Variants in DOCK3 observed in about 807,000 individuals in gnomAD.
The protein encoded by DOCK3 is dedicator of cytokinesis 3.
Under a neutral mutation model 265.6 loss-of-function variants are expected in DOCK3, and 60 were observed. That is an observed-to-expected ratio of 0.23 (90% CI 0.18 to 0.28). The LOEUF (loss-of-function observed/expected upper bound fraction) is 0.28, where lower values mean the gene tolerates loss of function less well. Among genes scored for constraint, DOCK3 ranks in the 10% least tolerant of loss-of-function variants. The pLI, the probability that DOCK3 is intolerant of heterozygous loss-of-function variation, is 1.00. For synonymous variants in DOCK3, 881 were observed against 938.0 expected, an observed-to-expected ratio of 0.94 and a Z score of 1.11; for missense variants, 1,981 against 2,594.3, an observed-to-expected ratio of 0.76 and a Z score of 5.14.
At chr3:51,040,810 C>T (rs1036051902) in intron 5 of DOCK3, among the ~76,000 whole-genome samples, 13 of 152,146 alleles carry the variant, frequency 8.5e-5, no homozygotes, top group Non-Finnish European at 1.6e-4. Flanking sequence ...CAGGAAACCA[C>T]TTCCTTTGCT....
At chr3:50,790,997 G>A (rs921634612) in intron 2 of DOCK3, among the ~76,000 whole-genome samples, 2 of 151,784 alleles carry the variant, frequency 1.3e-5, no homozygotes, top group African/African-American at 2.4e-5. Flanking sequence ...TAAGTTCCTT[G>A]TAGACGATAT....
At position 51,049,793 on chromosome 3, in the gene DOCK3, C is replaced by CCA. The variant is rs34449511; in HGVS notation, c.316-14621_316-14620dup. Among the ~76,000 whole-genome samples, 628 of 147,308 alleles carry CCA rather than the reference C, an allele frequency of 4.3e-3. 4 individuals are homozygous for CCA. The highest frequency in any genetic ancestry group is 6.9e-3 in the Admixed American group (102 of 14,748). On this transcript the variant is annotated intron_variant, in intron 5 of 52. Transcript: ENST00000266037. ...TTATGTGTAGAAAGCCCTAATGGGT[C>CCA]CACACACACACACACACACACACAC... is the stretch of plus-strand genomic sequence containing the variant.
At chr3:51,360,458 T>C in intron 46 of DOCK3, 53 bp from the exon 47 acceptor site, 1 of 1,567,820 alleles carries the variant, frequency 6.4e-7, no homozygotes. Context: ...TCACATCCCT[T>C]AGTTACTTAT....
intron 5 of DOCK3, among the ~76,000 whole-genome samples, chr3:51,025,484 C>T (rs984529672): frequency 2.0e-5 from 3 of 152,082 alleles, no homozygotes; most frequent in Admixed American, 2.0e-4. Context: ...CCTGCCCCAG[C>T]CTATAAGCTT....
chr3:51,287,655 C>T (rs1157847108), intron 27 of DOCK3, among the ~76,000 whole-genome samples: 1 of 152,092 alleles, frequency 6.6e-6, no homozygotes, highest in Non-Finnish European at 1.5e-5. Context: ...GGTGAGGTTG[C>T]AGAGAAGAGG....
intron 5 of DOCK3, among the ~76,000 whole-genome samples, chr3:50,987,472 A>G (rs11130267): frequency 0.84 from 127,552 of 152,160 alleles, 53,916 homozygotes; most frequent in East Asian, 0.95. Flanking sequence ...CAAAAACATT[A>G]CAACCTACCC....
chr3:51,260,235 A>C lies in DOCK3; in HGVS notation c.2264A>C (p.Gln755Pro). The C allele has an allele frequency of 6.2e-7, 1 of 1,613,948 alleles. No homozygotes were observed. Among genetic ancestry groups the C allele is most frequent in the Non-Finnish European group, 8.5e-7 (1 of 1,179,886 alleles). The change falls in exon 23 of 53, where the codon CAA (glutamine) becomes CCA (proline). Residue 755 changes from glutamine (Q) to proline (P), a missense_variant. By Grantham distance (76) the Gln-to-Pro change is moderately conservative. Around this residue, in one of 4 missense-constraint regions of DOCK3, gnomAD observed 1,357 missense variants for 1,866.8 expected, o/e 0.73. Coordinates refer to ENST00000266037, the MANE Select transcript of DOCK3 (RefSeq NM_004947.5). ...SRATCGMEEE[Q>P]FRSSIQELFQ... ...GCCACTTGTGGAATGGAAGAGGAACAATTCAGATCCAGTATCCAAGAACTT... is the reference window on the plus strand; with the variant it reads ...GCCACTTGTGGAATGGAAGAGGAACCATTCAGATCCAGTATCCAAGAACTT...
intron 10 of DOCK3, among the ~76,000 whole-genome samples, chr3:51,150,773 G>A (rs1193928954): frequency 6.6e-6 from 1 of 152,080 alleles, no homozygotes; most frequent in Non-Finnish European, 1.5e-5. Context: ...GTTCAATTTT[G>A]GAATAAGTGT....
intron 1 of DOCK3, among the ~76,000 whole-genome samples, chr3:50,689,240 T>A (rs1211576454): frequency 1.3e-5 from 2 of 152,200 alleles, no homozygotes; most frequent in Non-Finnish European, 2.9e-5. Flanking sequence ...CAGCTTCACC[T>A]CGGATCATCA....
intron 3 of DOCK3, among the ~76,000 whole-genome samples, chr3:50,870,423 C>A (rs2047378766): frequency 6.6e-6 from 1 of 152,078 alleles, no homozygotes; most frequent in African/African-American, 2.4e-5. Flanking sequence ...CTAAGTATAG[C>A]CACTTCTACT....
intron 2 of DOCK3, among the ~76,000 whole-genome samples, chr3:50,784,090 A>G (rs1412261056): frequency 6.6e-6 from 1 of 151,668 alleles, no homozygotes; most frequent in Non-Finnish European, 1.5e-5. Flanking sequence ...TTGATCTCGA[A>G]CTCCTGACCT....
intron 3 of DOCK3, among the ~76,000 whole-genome samples, chr3:50,887,308 A>G (rs926887051): frequency 3.3e-5 from 5 of 150,070 alleles, no homozygotes; most frequent in African/African-American, 4.9e-5. Flanking sequence ...CCAAGACTAA[A>G]CCAGGAAGAA....
chr3:50,963,589 A>T (rs1386344659), intron 5 of DOCK3, among the ~76,000 whole-genome samples: 1 of 152,202 alleles, frequency 6.6e-6, no homozygotes, highest in Admixed American at 6.5e-5. Context: ...ATATACCCAG[A>T]CAGTATATAT....
At chr3:50,758,234 A>G (rs1251619895) in intron 1 of DOCK3, among the ~76,000 whole-genome samples, 5 of 146,510 alleles carry the variant, frequency 3.4e-5, no homozygotes, top group African/African-American at 1.2e-4. Flanking sequence ...ATAAATTTGA[A>G]GGTTATCCCC....
chr3:51,332,900 G>GGCA, intron 33 of DOCK3, 101 bp from the exon 34 acceptor site: 1 of 1,505,648 alleles, frequency 6.6e-7, no homozygotes, highest in East Asian at 2.3e-5. Context: ...CCACCTCAGT[G>GGCA]GCATCCTTAG....
intron 5 of DOCK3, among the ~76,000 whole-genome samples, chr3:50,993,607 A>G (rs1448943360): frequency 1.3e-5 from 2 of 152,154 alleles, no homozygotes; most frequent in Non-Finnish European, 2.9e-5. Context: ...CACATGAGAA[A>G]TCCATATGAA....
intron 52 of DOCK3, 54 bp from the exon 53 acceptor site, chr3:51,380,992 GGGCA>G: frequency 6.6e-7 from 1 of 1,524,164 alleles, no homozygotes; most frequent in Non-Finnish European, 8.8e-7. Context: ...TTCCTATGGC[GGGCA>G]AGTCAGCCTG....
intron 2 of DOCK3, among the ~76,000 whole-genome samples, chr3:50,828,083 C>A (rs7630281): frequency 6.6e-6 from 1 of 152,018 alleles, no homozygotes; most frequent in Non-Finnish European, 1.5e-5. Context: ...TGTGCGCCAC[C>A]ATGCCTGGCT....
chr3:51,286,884 TA>T lies in DOCK3; in HGVS notation c.2922+6686del, dbSNP rs202113151. Among the ~76,000 whole-genome samples, 884 of 152,108 alleles carry T rather than the reference TA, an allele frequency of 5.8e-3. 10 individuals carry two copies. Among genetic ancestry groups the T allele is most frequent in the African/African-American group, 0.019 (775 of 41,496 alleles). On this transcript the variant is annotated intron_variant, in intron 27 of 52. Coordinates refer to ENST00000266037, the MANE Select transcript of DOCK3 (RefSeq NM_004947.5). ...AACTCTGGAAGATTTTCAAATAACT[TA>T]AAAAAGAACTACTTGGACATAGGCC...
Sources: gnomAD v4.1 joint callset for allele counts (sites outside exome capture counted in the v4.1 genomes callset) on GRCh38, gnomAD v4.1.1 for gene constraint, gnomAD v4.1.1 regional missense constraint, MANE v1.5 for transcripts, NCBI Gene and HGNC (gene_info 2026-07-23, HGNC 2026-07-21) for gene names.